CTNNA1: variants seen among roughly 807,000 people sequenced by gnomAD.
The protein encoded by CTNNA1 is catenin alpha-1.
Under a neutral mutation model 98.4 loss-of-function variants are expected in CTNNA1, and 37 were observed. The ratio of observed to expected loss-of-function variants is 0.38; its 90% CI spans 0.29 to 0.49. CTNNA1 has a LOEUF of 0.49. Among genes scored for constraint, CTNNA1 ranks in the 20% least tolerant of loss-of-function variants. The pLI is 0.95. For synonymous variants in CTNNA1, 404 were observed against 413.2 expected (o/e 0.98, Z 0.27); for missense variants, 761 against 1,147.2 (o/e 0.66, Z 4.86).
At position 138,905,028 on chromosome 5, in the gene CTNNA1, A is replaced by G. The variant is rs190608381; in HGVS notation, c.1389+587A>G. Among the ~76,000 whole-genome samples the G allele has an allele frequency of 8.8e-3, 1,305 of 148,328 alleles. 15 individuals are homozygous for G. Among genetic ancestry groups the G allele is most frequent in the Middle Eastern group, 0.017 (5 of 286 alleles). On this transcript the variant is annotated intron_variant, in intron 10 of 17. Coordinates refer to ENST00000302763, the MANE Select transcript of CTNNA1 (RefSeq NM_001903.5). ...AGAATGGCGTGAACCTGGGAGGCGG[A>G]GCTTGCAGTGAGCTGAGATCGCACC...
intron 5 of CTNNA1, among the ~76,000 whole-genome samples, chr5:138,819,786 A>C (rs1278724394): frequency 2.1e-5 from 3 of 141,606 alleles, no homozygotes; most frequent in African/African-American, 7.8e-5. Flanking sequence ...TCCCCCCCCA[A>C]ATCTCGTGTC....
At chr5:138,889,162 C>A (rs540828942) in intron 9 of CTNNA1, among the ~76,000 whole-genome samples, 1 of 152,282 alleles carries the variant, frequency 6.6e-6, no homozygotes, top group East Asian at 1.9e-4. Flanking sequence ...TTAGAAAGTT[C>A]TTCCGCATGG....
chr5:138,873,006 G>A lies in CTNNA1; in HGVS notation c.1063-13206G>A, dbSNP rs766757493. Reference sequence around the variant, plus strand: ...CTGATGTGATTTTTGATGATGGGTAGATATTATACTTCACATTCTTTGTAT... The same window carrying A: ...CTGATGTGATTTTTGATGATGGGTAAATATTATACTTCACATTCTTTGTAT... On this transcript the variant is annotated intron_variant, in intron 7 of 17. Coordinates refer to ENST00000302763, the MANE Select transcript of CTNNA1 (RefSeq NM_001903.5). The surrounding 1 kb of genome is among the most constrained non-coding windows in gnomAD (Gnocchi z 6.1). 1 of 1,582,144 alleles carries A rather than the reference G, an allele frequency of 6.3e-7. No homozygotes were observed. The highest frequency in any genetic ancestry group is 1.3e-5 in the African/African-American group (1 of 74,106).
intron 7 of CTNNA1, among the ~76,000 whole-genome samples, chr5:138,860,733 G>C (rs1764194621): frequency 6.6e-6 from 1 of 152,038 alleles, no homozygotes; most frequent in South Asian, 2.1e-4. Context: ...GACCTCAGGT[G>C]ATCCACCCTC....
At chr5:138,896,619 TTGG>T (rs1328920942) in intron 9 of CTNNA1, among the ~76,000 whole-genome samples, 2 of 152,200 alleles carry the variant, frequency 1.3e-5, no homozygotes, top group African/African-American at 4.8e-5. Flanking sequence ...AGGGCTGGTA[TTGG>T]TGGGCTGGAT....
In CTNNA1 at chr5:138,810,062, G is replaced by A. The variant is rs1758515987; in HGVS notation, c.326G>A (p.Gly109Glu). The A allele has an allele frequency of 6.2e-7, 1 of 1,612,248 alleles. No homozygotes were observed. The highest frequency in any genetic ancestry group is 8.5e-7 in the Non-Finnish European group (1 of 1,178,536). Residue 109 changes from glycine to glutamate, a missense_variant, in exon 4 of 18, where the codon GGA (glycine) becomes GAA (glutamate). Transcript: ENST00000302763. ...KQGDLMKAAAGEFADDPCSSV... is the reference protein window; with the variant it reads ...KQGDLMKAAAEEFADDPCSSV... ...GGTGATTTGATGAAGGCTGCTGCAG[G>A]AGAGTTCGCAGATGATCCCTGCTCT...
rs2150032224 is a variant in CTNNA1, at chr5:138,887,519, A to G, written c.1173A>G (p.Ser391=). ...QLRKAVMDHV[S]DSFLETNVPL... Reference sequence around the variant, plus strand: ...GCAAAGCTGTCATGGACCACGTTTCAGATTCTTTCCTGGAAACCAATGTTC... The same window carrying G: ...GCAAAGCTGTCATGGACCACGTTTCGGATTCTTTCCTGGAAACCAATGTTC... The change falls in exon 9 of 18, where the codon TCA becomes TCG. Residue 391 remains serine, a synonymous_variant. Transcript: ENST00000302763. 1 of 1,609,064 alleles carries G rather than the reference A, an allele frequency of 6.2e-7. No homozygotes were observed. The highest frequency in any genetic ancestry group is 8.5e-7 in the Non-Finnish European group (1 of 1,178,040).
At chr5:138,886,893 G>A (rs922091795) in intron 8 of CTNNA1, among the ~76,000 whole-genome samples, 1 of 152,096 alleles carries the variant, frequency 6.6e-6, no homozygotes, top group Middle Eastern at 3.2e-3. Flanking sequence ...GACTTAAGAA[G>A]TTGTAATACA....
chr5:138,815,848 G>A (rs986943607), intron 5 of CTNNA1, among the ~76,000 whole-genome samples: 2 of 152,072 alleles, frequency 1.3e-5, no homozygotes, highest in Admixed American at 6.5e-5. Flanking sequence ...GTGTACCCCC[G>A]TTCACAAAAT....
chr5:138,827,548 G>A lies in CTNNA1; in HGVS notation c.892G>A (p.Glu298Lys), dbSNP rs1581178228. The change falls in exon 7 of 18, where the codon GAG becomes AAG. Residue 298 changes from glutamate (E) to lysine (K), a missense_variant. This residue lies in a region of CTNNA1 where 287 missense variants were observed against 436.0 expected (regional missense o/e 0.66). Transcript: ENST00000302763. ...QIIVDPLSFS[E>K]ERFRPSLEER... ...CATTGTGGACCCCTTGAGCTTCAGCGAGGAGCGCTTTAGGCCTTCCCTGGA... is the reference window on the plus strand; with the variant it reads ...CATTGTGGACCCCTTGAGCTTCAGCAAGGAGCGCTTTAGGCCTTCCCTGGA... 1 of 1,614,216 alleles carries A rather than the reference G, an allele frequency of 6.2e-7. No homozygotes were observed. The highest frequency in any genetic ancestry group is 8.5e-7 in the Non-Finnish European group (1 of 1,180,032).
At chr5:138,836,988 G>A (rs1365996431) in intron 7 of CTNNA1, among the ~76,000 whole-genome samples, 1 of 152,100 alleles carries the variant, frequency 6.6e-6, no homozygotes, top group Non-Finnish European at 1.5e-5. Context: ...AGATTTTTAG[G>A]TTTTGTTTAT....
At chr5:138,786,894 G>T (rs1755771315) in intron 3 of CTNNA1, among the ~76,000 whole-genome samples, 2 of 152,306 alleles carry the variant, frequency 1.3e-5, no homozygotes, top group South Asian at 4.1e-4. Flanking sequence ...GGCAGCAAAA[G>T]AAAATTTATA....
chr5:138,837,740 G>C (rs142080629), intron 7 of CTNNA1, among the ~76,000 whole-genome samples: 128 of 151,650 alleles, frequency 8.4e-4, no homozygotes, highest in Middle Eastern at 3.4e-3. Context: ...TGCCATCTCA[G>C]CTTCCCCAGT....
chr5:138,921,200 C>G (rs1762846552), intron 11 of CTNNA1, among the ~76,000 whole-genome samples: 1 of 152,194 alleles, frequency 6.6e-6, no homozygotes, highest in Non-Finnish European at 1.5e-5. Context: ...GTGATAAAGA[C>G]TCTTTGAATT....
chr5:138,804,956 A>G (rs1757932570), intron 3 of CTNNA1, among the ~76,000 whole-genome samples: 2 of 152,234 alleles, frequency 1.3e-5, no homozygotes, highest in South Asian at 4.1e-4. Flanking sequence ...TGGAGGCTGT[A>G]CAGAAAGCAT....
chr5:138,835,906 T>TACGATCACAGCTCACTGCA (rs1471811218), intron 7 of CTNNA1, among the ~76,000 whole-genome samples: 4 of 152,184 alleles, frequency 2.6e-5, no homozygotes, highest in Non-Finnish European at 4.4e-5. Flanking sequence ...AGTGCACTGG[T>TACGATCACAGCTCACTGCA]ACGATCACAG....
chr5:138,921,156 A>G (rs1365993845), intron 11 of CTNNA1, among the ~76,000 whole-genome samples: 2 of 152,228 alleles, frequency 1.3e-5, no homozygotes, highest in African/African-American at 2.4e-5. Context: ...ATATTGACCA[A>G]TCCCTTAAGG....
At chr5:138,902,982 C>T (rs923000729) in intron 9 of CTNNA1, among the ~76,000 whole-genome samples, 8 of 151,952 alleles carry the variant, frequency 5.3e-5, no homozygotes, top group Non-Finnish European at 8.8e-5. Flanking sequence ...CCAGTCATCT[C>T]TGTAGATTTG....
intron 9 of CTNNA1, among the ~76,000 whole-genome samples, chr5:138,890,866 T>C (rs1177773063): frequency 6.6e-6 from 1 of 152,144 alleles, no homozygotes; most frequent in Non-Finnish European, 1.5e-5. Context: ...ATTCCAAAGA[T>C]TCAGAGGTTT....
Sources: gnomAD v4.1 joint callset for allele counts (sites outside exome capture counted in the v4.1 genomes callset) on GRCh38, gnomAD v4.1.1 for gene constraint, gnomAD v4.1.1 regional missense constraint, Gnocchi (gnomAD v3.1) non-coding constraint, MANE v1.5 for transcripts, NCBI Gene and HGNC (gene_info 2026-07-23, HGNC 2026-07-21) for gene names.